Variants in RP1 observed in about 807,000 individuals in gnomAD.
RP1 encodes oxygen-regulated protein 1.
RP1 carries 16 observed loss-of-function variants against 14.8 expected under a neutral mutation model. The observed-to-expected ratio is 1.08, with a 90% CI of 0.73 to 1.65. RP1 has a LOEUF of 1.65. Ranked by LOEUF, RP1 falls within the 40% of genes most tolerant of loss-of-function variation. RP1 has a pLI of 0.00. For missense variants in RP1, 2,631 were observed against 2,535.0 expected (o/e 1.04, Z -0.81); for synonymous variants, 876 against 883.6 (o/e 0.99, Z 0.15).
intron 1 of RP1, among the ~76,000 whole-genome samples, chr8:54,561,440 A>G (rs913282210): frequency 6.6e-6 from 1 of 152,176 alleles, no homozygotes; most frequent in Non-Finnish European, 1.5e-5. Flanking sequence ...GTATCTTAGA[A>G]CCATTTAATA....
chr8:54,814,986 G>T lies in RP1; in HGVS notation c.3616-22464G>T, dbSNP rs532547599. On this transcript the variant is annotated intron_variant, in intron 24 of 28. Coordinates refer to the RP1 transcript ENST00000637698. ...ATTGCACCACTGCACTCCAGCCTGG[G>T]TGACAAAGCGAGACTCCGTCTCAAA... is the stretch of plus-strand genomic sequence containing the variant. Among the ~76,000 whole-genome samples the T allele has an allele frequency of 1.7e-4, 26 of 152,342 alleles. No homozygotes were observed. The East Asian group carries it at 4.6e-3, about 27-fold the overall frequency.
chr8:54,832,911 G>A (rs949386986), intron 24 of RP1, among the ~76,000 whole-genome samples: 1 of 151,880 alleles, frequency 6.6e-6, no homozygotes, highest in African/African-American at 2.4e-5. Context: ...GAAAGCCTTG[G>A]GAATTTATCA....
In RP1 at chr8:54,629,140, T is replaced by C; in HGVS notation, c.5258T>C (p.Leu1753Ser). 1 of 1,614,134 alleles carries C rather than the reference T, an allele frequency of 6.2e-7. No homozygotes were observed. Among genetic ancestry groups the C allele is most frequent in the South Asian group, 1.1e-5 (1 of 91,080 alleles). The change falls in exon 4 of 4, where the codon TTG (leucine) becomes TCG (serine). Residue 1753 changes from leucine (L) to serine (S), a missense_variant. Coordinates refer to ENST00000220676, the MANE Select transcript of RP1 (RefSeq NM_006269.2). ...AAATGGCTTCTGAAAGAAAATCATTTGCTAAGGATGTCATCTGAAAATCCT... is the reference window on the plus strand; with the variant it reads ...AAATGGCTTCTGAAAGAAAATCATTCGCTAAGGATGTCATCTGAAAATCCT... ...KGKWLLKENH[L>S]LRMSSENPGM...
intron 1 of RP1, among the ~76,000 whole-genome samples, chr8:54,600,198 TG>T (rs1805242836): frequency 6.6e-6 from 1 of 152,180 alleles, no homozygotes; most frequent in African/African-American, 2.4e-5. Flanking sequence ...TGAGATCTGA[TG>T]GTTTTATAAA....
intron 26 of RP1, among the ~76,000 whole-genome samples, chr8:54,856,004 T>A (rs1812189104): frequency 6.6e-6 from 1 of 151,472 alleles, no homozygotes; most frequent in African/African-American, 2.4e-5. Flanking sequence ...CCAACATAAA[T>A]ATATGCAGAT....
intron 22 of RP1, among the ~76,000 whole-genome samples, chr8:54,769,382 C>T (rs1158634660): frequency 6.6e-6 from 1 of 152,102 alleles, no homozygotes; most frequent in Admixed American, 6.5e-5. Flanking sequence ...AAATCTGAAA[C>T]CTGCCCTTGC....
intron 8 of RP1, chr8:54,678,341 G>T (rs1402319542): frequency 3.9e-6 from 3 of 762,682 alleles, no homozygotes; most frequent in Non-Finnish European, 6.0e-6. Context: ...AAGTACTAAA[G>T]CTTTATATTG....
intron 7 of RP1, among the ~76,000 whole-genome samples, chr8:54,671,960 C>T (rs1035684200): frequency 3.3e-5 from 5 of 152,246 alleles, no homozygotes; most frequent in South Asian, 2.1e-4. Flanking sequence ...TTATGAGTCA[C>T]GTGCTTTACT....
chr8:54,695,736 TGTCCAAG>T (rs1807843669), intron 12 of RP1, among the ~76,000 whole-genome samples: 5 of 152,158 alleles, frequency 3.3e-5, no homozygotes, highest in Admixed American at 3.3e-4. Context: ...AACAGTGCTT[TGTCCAAG>T]GTTATCTAAT....
chr8:54,865,873 GA>G lies in RP1; in HGVS notation c.4110del (p.Asp1371MetfsTer16). The stretch of plus-strand genomic sequence containing the variant: ...TCTTGGGAGTATTGTTGTTAAGTCT[GA>G]AGATGAAGACAGCAGTGAAGAGGTG... On this transcript the variant is annotated frameshift_variant, in exon 28 of 29. Coordinates refer to the RP1 transcript ENST00000637698. LOFTEE classifies it low-confidence loss of function (END_TRUNC). The G allele has an allele frequency of 1.6e-6, 2 of 1,230,126 alleles. No homozygotes were observed. The highest frequency in any genetic ancestry group is 2.0e-6 in the Non-Finnish European group (2 of 986,148). 76.2% of individuals were successfully genotyped at this position (1,230,126 alleles called of 1,614,324 possible).
chr8:54,860,329 T>C (rs1042189772), intron 27 of RP1, among the ~76,000 whole-genome samples: 2 of 152,066 alleles, frequency 1.3e-5, no homozygotes, highest in African/African-American at 4.8e-5. Flanking sequence ...AATAGTGAGA[T>C]TCTCAAGTTA....
intron 15 of RP1, among the ~76,000 whole-genome samples, chr8:54,715,249 G>A (rs1005247475): frequency 1.3e-5 from 2 of 152,174 alleles, no homozygotes; most frequent in African/African-American, 4.8e-5. Context: ...ATTCTAACCT[G>A]GCTATGTCTA....
chr8:54,596,949 G>C (rs1805161484), intron 1 of RP1, among the ~76,000 whole-genome samples: 1 of 151,858 alleles, frequency 6.6e-6, no homozygotes, highest in Admixed American at 6.6e-5. Flanking sequence ...ACTATTTTTA[G>C]AGCTACCTTA....
chr8:54,787,604 G>T (rs553190514), intron 24 of RP1, among the ~76,000 whole-genome samples: 1 of 152,170 alleles, frequency 6.6e-6, no homozygotes, highest in East Asian at 1.9e-4. Flanking sequence ...AAATTGAAAC[G>T]CTAAATAGTA....
rs1465857084 is a variant in RP1, at chr8:54,687,775, G to C, written c.1717+7842G>C. 2.0e-5 allele frequency among the ~76,000 whole-genome samples: 3 copies of C among 152,230 alleles called. No individual in the cohort carries two copies. The East Asian group carries it at 5.8e-4, about 29-fold the overall frequency. On this transcript the variant is annotated intron_variant, in intron 12 of 22. Coordinates refer to the RP1 transcript ENST00000636932. Reference sequence around the variant, plus strand: ...GAACAGTGCCACAATAAACATACATGTGCATGTGTCTTTATAGCAGAATGA... The same window carrying C: ...GAACAGTGCCACAATAAACATACATCTGCATGTGTCTTTATAGCAGAATGA...
At chr8:54,709,069 A>T (rs1808233102) in intron 15 of RP1, among the ~76,000 whole-genome samples, 1 of 152,208 alleles carries the variant, frequency 6.6e-6, no homozygotes, top group Non-Finnish European at 1.5e-5. Flanking sequence ...GTAGCCTTAG[A>T]GCTGAGGCTT....
chr8:54,689,188 C>A (rs1463251284), intron 12 of RP1, among the ~76,000 whole-genome samples: 1 of 152,130 alleles, frequency 6.6e-6, no homozygotes, highest in Non-Finnish European at 1.5e-5. Flanking sequence ...GCTGAAGTTG[C>A]TCATCAGCTT....
intron 1 of RP1, among the ~76,000 whole-genome samples, chr8:54,576,066 A>T (rs1804634229): frequency 1.4e-5 from 2 of 142,062 alleles, no homozygotes; most frequent in South Asian, 4.4e-4. Context: ...TTTGAGACGG[A>T]GTCTCACTCT....
chr8:54,746,543 C>T (rs2129362092), intron 19 of RP1, among the ~76,000 whole-genome samples: 1 of 152,016 alleles, frequency 6.6e-6, no homozygotes, highest in Non-Finnish European at 1.5e-5. Context: ...AACAAGATGG[C>T]TATAACTGAA....
Sources: allele counts gnomAD v4.1 joint callset (sites outside exome capture counted in the v4.1 genomes callset), GRCh38; gene constraint gnomAD v4.1.1; transcripts MANE v1.5; gene names NCBI Gene and HGNC (gene_info 2026-07-23, HGNC 2026-07-21).